The following MAP4K4 variants were observed in gnomAD, a reference collection of about 807,000 sequenced individuals.
The protein encoded by MAP4K4 is HPK/GCK-like kinase HGK.
MAP4K4 carries 38 observed loss-of-function variants against 189.6 expected under a neutral mutation model. The observed-to-expected ratio is 0.20, with a 90% CI of 0.15 to 0.26. The LOEUF is 0.26. MAP4K4 is among the 10% of genes least tolerant of loss of function. The pLI is 1.00. For synonymous variants in MAP4K4, 610 were observed against 624.3 expected (o/e 0.98, Z 0.34); for missense variants, 1,054 against 1,726.9 (o/e 0.61, Z 6.91).
intron 2 of MAP4K4, among the ~76,000 whole-genome samples, chr2:101,746,820 C>T (rs1223993778): frequency 6.6e-6 from 1 of 152,078 alleles, no homozygotes; most frequent in East Asian, 1.9e-4. Context: ...TTTGTCTTCG[C>T]CGCCCCTTCC....
chr2:101,785,702 C>CTTTTCCTTTTTTGAGT (rs1558913893), intron 2 of MAP4K4, among the ~76,000 whole-genome samples: 4 of 4,622 alleles, frequency 8.7e-4, no homozygotes, highest in South Asian at 9.4e-3. Flanking sequence ...CTCTCTCTCT[C>CTTTTCCTTTTTTGAGT]TCTCTCTCTC....
chr2:101,746,974 C>T (rs2065916657), intron 2 of MAP4K4, among the ~76,000 whole-genome samples: 2 of 152,220 alleles, frequency 1.3e-5, no homozygotes, highest in South Asian at 2.1e-4. Context: ...GCCCTTGTGT[C>T]CCCCTACTCT....
chr2:101,764,261 G>A (rs988663583), intron 2 of MAP4K4, among the ~76,000 whole-genome samples: 1 of 152,154 alleles, frequency 6.6e-6, no homozygotes, highest in African/African-American at 2.4e-5. Context: ...CATACGTAAA[G>A]TTCTTTCTGA....
chr2:101,790,657 T>G, intron 2 of MAP4K4, 63 bp from the exon 3 acceptor site: 7 of 1,178,114 alleles, frequency 5.9e-6, no homozygotes, highest in Non-Finnish European at 7.5e-6. Context: ...TTCAGCCATT[T>G]TGTTCTAATG....
intron 3 of MAP4K4, among the ~76,000 whole-genome samples, chr2:101,813,140 T>A (rs1394036190): frequency 2.6e-5 from 4 of 152,154 alleles, no homozygotes; most frequent in Non-Finnish European, 5.9e-5. Context: ...ATAAATAAAT[T>A]GGATTACATT....
At chr2:101,857,895 A>C (rs1461582302) in intron 13 of MAP4K4, among the ~76,000 whole-genome samples, 3 of 152,168 alleles carry the variant, frequency 2.0e-5, no homozygotes, top group Non-Finnish European at 4.4e-5. Flanking sequence ...ACACAAGGGG[A>C]TGGTCAGCAG....
At chr2:101,845,340 C>T (rs887823956) in intron 12 of MAP4K4, among the ~76,000 whole-genome samples, 1 of 152,106 alleles carries the variant, frequency 6.6e-6, no homozygotes, top group Non-Finnish European at 1.5e-5. Flanking sequence ...AATGTGGTTA[C>T]CTTACAGCTT....
At chr2:101,801,865 C>G (rs2094406820) in intron 3 of MAP4K4, among the ~76,000 whole-genome samples, 1 of 152,118 alleles carries the variant, frequency 6.6e-6, no homozygotes, top group Non-Finnish European at 1.5e-5. Flanking sequence ...GCACTTGGAG[C>G]CTTGTCTTTT....
rs1308546607 is a variant in MAP4K4, at chr2:101,851,963, A to G, written c.1234-4014A>G. ...TGCTTAATAAGTATTTCTCAAATAGATGGATTAGTTGTTTGTAGTCTTGTG... is the reference window on the plus strand; with the variant it reads ...TGCTTAATAAGTATTTCTCAAATAGGTGGATTAGTTGTTTGTAGTCTTGTG... On this transcript the variant is annotated intron_variant, in intron 12 of 32. Coordinates refer to ENST00000324219, the Ensembl canonical transcript of MAP4K4. Among the ~76,000 whole-genome samples the G allele has an allele frequency of 3.9e-5, 6 of 152,034 alleles. No individual in the cohort carries two copies. The South Asian group carries it at 1.0e-3, about 26-fold the overall frequency.
At chr2:101,743,713 A>G (rs2063866213) in intron 2 of MAP4K4, among the ~76,000 whole-genome samples, 1 of 152,096 alleles carries the variant, frequency 6.6e-6, no homozygotes, top group African/African-American at 2.4e-5. Context: ...GCTGGAGTGC[A>G]GTGGCATGAT....
At chr2:101,807,603 G>A (rs575033473) in intron 3 of MAP4K4, among the ~76,000 whole-genome samples, 1 of 152,252 alleles carries the variant, frequency 6.6e-6, no homozygotes, top group South Asian at 2.1e-4. Flanking sequence ...CTGAGACTGG[G>A]TAATTTATAA....
intron 12 of MAP4K4, among the ~76,000 whole-genome samples, chr2:101,851,724 CTTTTTTTTTTTTTTTTTTTT>C (rs36217584): frequency 5.3e-4 from 36 of 67,906 alleles, no homozygotes; most frequent in Non-Finnish European, 6.5e-4. Context: ...TAACTGTCCT[CTTTTTTTTTTTTTTTTTTTT>C]TTTTTTTTTT....
At chr2:101,877,855 T>G (rs1411680365) in intron 27 of MAP4K4, among the ~76,000 whole-genome samples, 1 of 152,122 alleles carries the variant, frequency 6.6e-6, no homozygotes, top group Non-Finnish European at 1.5e-5. Flanking sequence ...GTTCACACCA[T>G]TCTCCTGCCT....
chr2:101,745,042 G>C (rs2064627489), intron 2 of MAP4K4, among the ~76,000 whole-genome samples: 1 of 152,160 alleles, frequency 6.6e-6, no homozygotes, highest in African/African-American at 2.4e-5. Flanking sequence ...TCACTTACTG[G>C]ATGAGTAGCT....
intron 27 of MAP4K4, 75 bp downstream of exon 27, chr2:101,877,221 G>A: frequency 6.8e-7 from 1 of 1,462,986 alleles, no homozygotes. Flanking sequence ...CTAAACTTCA[G>A]TTAGCTCATT....
intron 11 of MAP4K4, 143 bp downstream of exon 11, chr2:101,842,824 T>G: frequency 1.7e-6 from 1 of 572,748 alleles, no homozygotes; most frequent in East Asian, 3.0e-5. Flanking sequence ...TCTTCTCTAT[T>G]CTTGACAGAT....
In MAP4K4 at chr2:101,776,587, C is replaced by A. The variant is rs1183111183; in HGVS notation, c.124-14133C>A. 1.1e-4 allele frequency among the ~76,000 whole-genome samples: 12 copies of A among 111,096 alleles called. 1 individual carries two copies. Among genetic ancestry groups the A allele is most frequent in the Non-Finnish European group, 1.7e-4 (9 of 54,332 alleles). 72.9% of individuals were successfully genotyped at this position (111,096 alleles called of 152,430 possible). Reference sequence around the variant, plus strand: ...ATGCACCCCCACCCCCCCACCCCCCCAAAAAAAAACACTATGGAAAATGTT... The same window carrying A: ...ATGCACCCCCACCCCCCCACCCCCCAAAAAAAAAACACTATGGAAAATGTT... On this transcript the variant is annotated intron_variant, in intron 2 of 32. Transcript: ENST00000324219.
chr2:101,837,924 G>A (rs753902562), intron 9 of MAP4K4, among the ~76,000 whole-genome samples: 3 of 152,030 alleles, frequency 2.0e-5, no homozygotes, highest in Non-Finnish European at 4.4e-5. Context: ...TGGGTTAGAC[G>A]GCATATTTCA....
intron 19 of MAP4K4, 122 bp downstream of exon 19, chr2:101,866,701 A>G: frequency 8.0e-7 from 1 of 1,246,760 alleles, no homozygotes. Flanking sequence ...GTTTTAGCAT[A>G]GGTTGCTAGT....
Sources: allele counts gnomAD v4.1 joint callset (sites outside exome capture counted in the v4.1 genomes callset), GRCh38; gene constraint gnomAD v4.1.1; transcripts MANE v1.5; gene names NCBI Gene and HGNC (gene_info 2026-07-23, HGNC 2026-07-21).